Variants in DENND3 observed in about 807,000 individuals in gnomAD.
DENND3 encodes DENN domain containing 3.
Under a neutral mutation model 135.1 loss-of-function variants are expected in DENND3, and 88 were observed. That is an observed-to-expected ratio of 0.65 (90% confidence interval 0.55 to 0.78). DENND3 has a LOEUF of 0.78. DENND3 is among the 30% of genes least tolerant of loss of function. The pLI is 0.00. For synonymous variants in DENND3, 693 were observed against 712.3 expected, an observed-to-expected ratio of 0.97 and a Z score of 0.43; for missense variants, 1,392 against 1,688.4, an observed-to-expected ratio of 0.82 and a Z score of 3.08.
At chr8:141,162,572 T>C (rs1257867303) in intron 9 of DENND3, among the ~76,000 whole-genome samples, 3 of 152,228 alleles carry the variant, frequency 2.0e-5, no homozygotes, top group Admixed American at 6.5e-5. Context: ...ATTTATATAT[T>C]ACTTTAGATC....
In DENND3 at chr8:141,166,433, A is replaced by C; in HGVS notation, c.1753+44A>C. 1 of 1,563,504 alleles carries C rather than the reference A, an allele frequency of 6.4e-7. No individual in the cohort carries two copies. Among genetic ancestry groups the C allele is most frequent in the Non-Finnish European group, 8.6e-7 (1 of 1,156,884 alleles). On this transcript the variant is annotated intron_variant, in intron 12 of 22. Transcript: ENST00000519811. The surrounding 1 kb of genome is among the most constrained non-coding windows in gnomAD (Gnocchi z 4.3). ...TGTGGTGCTGTGTGTCGGTCCCACC[A>C]TTCCTGCACCTGCAAGTCATTGAGC...
rs1823286835 is a variant in DENND3 at position 141,182,571 on chromosome 8, T to C, written c.2944+1717T>C. 1.1e-6 allele frequency: 1 copy of C among 870,602 alleles called. No homozygotes were observed. The highest frequency in any genetic ancestry group is 1.4e-6 in the Non-Finnish European group (1 of 726,026). 53.9% of individuals were successfully genotyped at this position (870,602 alleles called of 1,614,324 possible). ...TGACGGGCGAGGAGTTCAGGCGGCT[T>C]CCCCTCCAGGAGCATCTCGAAGGCC... On this transcript the variant is annotated intron_variant, in intron 17 of 22. Coordinates refer to ENST00000519811, the MANE Select transcript of DENND3 (RefSeq NM_001352890.3). This position sits in a 1 kb window ranked among gnomAD's most constrained non-coding sequence, Gnocchi z 5.9.
At chr8:141,142,825 GT>G (rs954495572) in intron 4 of DENND3, 4 of 161,858 alleles carry the variant, frequency 2.5e-5, no homozygotes, top group Admixed American at 5.9e-5. Flanking sequence ...TCCACCTTTT[GT>G]TTGCTGAAAT....
intron 17 of DENND3, among the ~76,000 whole-genome samples, chr8:141,183,883 C>T (rs564911782): frequency 9.2e-5 from 14 of 152,190 alleles, no homozygotes; most frequent in African/African-American, 3.4e-4. Flanking sequence ...GAGTCCAGGC[C>T]GCCACCGCCC....
rs145045660 is a variant in DENND3 at position 141,165,223 on chromosome 8, C to T, written c.1487C>T (p.Ala496Val). 387 of 1,614,168 alleles carry T rather than the reference C, an allele frequency of 2.4e-4. No homozygotes were observed. The African/African-American group carries it at 4.3e-3, about 18-fold the overall frequency. ...TACATGTTCCATTCTTTTCTTAAAG[C>T]CCGGCTCAATAGGAGGATGGACGCC... ...DTYMFHSFLK[A>V]RLNRRMDAFA... Residue 496 changes from alanine to valine, a missense_variant, in exon 11 of 23, where the codon GCC becomes GTC. By Grantham distance (64) the Ala-to-Val change is moderately conservative. Transcript: ENST00000519811.
intron 17 of DENND3, among the ~76,000 whole-genome samples, chr8:141,184,251 A>G (rs1275165047): frequency 3.3e-5 from 5 of 152,212 alleles, no homozygotes; most frequent in South Asian, 2.1e-4. Context: ...CTTTTGCTTT[A>G]TGGTATTTTT....
chr8:141,140,560 A>G (rs1188324415), intron 3 of DENND3, among the ~76,000 whole-genome samples: 2 of 152,236 alleles, frequency 1.3e-5, no homozygotes, highest in African/African-American at 4.8e-5. Flanking sequence ...GATGTTTATT[A>G]AATTTTGTTA....
At chr8:141,163,834 G>A (rs1820434789) in intron 10 of DENND3, among the ~76,000 whole-genome samples, 1 of 151,446 alleles carries the variant, frequency 6.6e-6, no homozygotes, top group African/African-American at 2.4e-5. Flanking sequence ...CTTGAACCCA[G>A]GGGGTGGAGG....
At chr8:141,145,248 G>GTT (rs1817901829) in intron 5 of DENND3, among the ~76,000 whole-genome samples, 2 of 152,220 alleles carry the variant, frequency 1.3e-5, no homozygotes, top group African/African-American at 4.8e-5. Flanking sequence ...TCTTTAGACA[G>GTT]TAGCTCATCT....
At position 141,156,712 on chromosome 8, in the gene DENND3, G is replaced by A. The variant is rs539105271; in HGVS notation, c.1196+742G>A. Among the ~76,000 whole-genome samples the A allele has an allele frequency of 2.5e-4, 38 of 151,958 alleles. 1 individual carries two copies. The highest frequency in any genetic ancestry group is 1.2e-4 in the African/African-American group (5 of 41,440). ...TCTGCTGGGTTCTGATGGGCATGAC[G>A]CATTCTGTCCGAGCTAGAAGTTGTC... is the stretch of plus-strand genomic sequence containing the variant. On this transcript the variant is annotated intron_variant, in intron 8 of 22. Coordinates refer to ENST00000519811, the MANE Select transcript of DENND3 (RefSeq NM_001352890.3).
Position 141,136,500 on chromosome 8 carries a change from C to CT in DENND3, c.103-3dup. ...CTGTGGCAGTAACTCTTATTTTTCC[C>CT]TTTTTTAGGTTGCTTATAAAAAGGG... On this transcript the variant is annotated splice_polypyrimidine_tract_variant and intron_variant, in intron 1 of 22. Coordinates refer to ENST00000519811, the MANE Select transcript of DENND3 (RefSeq NM_001352890.3). 6.5e-7 allele frequency: 1 copy of CT among 1,536,658 alleles called. No individual in the cohort carries two copies. The highest frequency in any genetic ancestry group is 8.8e-7 in the Non-Finnish European group (1 of 1,141,618).
rs372786793 is a variant in DENND3, at chr8:141,192,468, T to A, written c.3498+19T>A. 1 of 1,613,898 alleles carries A rather than the reference T, an allele frequency of 6.2e-7. No individual in the cohort carries two copies. Among genetic ancestry groups the A allele is most frequent in the African/African-American group, 1.3e-5 (1 of 75,054 alleles). ...TCCTGAGGTATCCCAGCAGGGGCTG[T>A]GGGCCCAGCATGTGCGTGGCCCGGG... is the stretch of plus-strand genomic sequence containing the variant. On this transcript the variant is annotated intron_variant, in intron 21 of 22. Transcript: ENST00000519811.
chr8:141,176,450 C>A, intron 14 of DENND3, 141 bp from the exon 15 acceptor site: 2 of 1,006,230 alleles, frequency 2.0e-6, no homozygotes, highest in Admixed American at 2.4e-5. Flanking sequence ...TCACCCGGGG[C>A]CCTGCCTTCC....
chr8:141,170,098 C>T (rs948899300), intron 13 of DENND3, among the ~76,000 whole-genome samples: 3 of 152,344 alleles, frequency 2.0e-5, no homozygotes, highest in Admixed American at 6.5e-5. Context: ...GCCACACTGA[C>T]GTCACAAACA....
chr8:141,185,774 A>C (rs1435539332), intron 18 of DENND3, among the ~76,000 whole-genome samples: 2 of 150,804 alleles, frequency 1.3e-5, no homozygotes, highest in Non-Finnish European at 3.0e-5. Flanking sequence ...GCAGTGAGCC[A>C]AGATCGCGCC....
intron 22 of DENND3, chr8:141,193,592 C>T (rs79484125): frequency 0.014 from 2,326 of 167,070 alleles, 58 homozygotes; most frequent in African/African-American, 0.053. Context: ...GTCGGAGACA[C>T]GGCGGGGGTG....
chr8:141,163,471 C>A, intron 10 of DENND3, 42 bp downstream of exon 10: 3 of 1,245,978 alleles, frequency 2.4e-6, no homozygotes, highest in East Asian at 2.3e-5. Context: ...TGTGTTCAAT[C>A]CATTATCCTT....
At position 141,163,428 on chromosome 8, in the gene DENND3, A is replaced by T; in HGVS notation, c.1448A>T (p.Gln483Leu). The T allele has an allele frequency of 9.3e-6, 15 of 1,605,896 alleles. No homozygotes were observed. The highest frequency in any genetic ancestry group is 1.3e-5 in the Non-Finnish European group (15 of 1,172,762). The change falls in exon 10 of 23, where the codon CAG becomes CTG. Residue 483 changes from glutamine to leucine, a missense_variant and splice_region_variant. Transcript: ENST00000519811. ...CCAGGGGACCATCAGTTTTATAAGCAGGTGAGAGCTGTGGGATTTGGGTGT... is the reference window on the plus strand; with the variant it reads ...CCAGGGGACCATCAGTTTTATAAGCTGGTGAGAGCTGTGGGATTTGGGTGT... Reference protein sequence around the residue: ...RAPGDHQFYKQVLDTYMFHSF... With the variant: ...RAPGDHQFYKLVLDTYMFHSF...
At chr8:141,179,479 T>C (rs564344656) in intron 16 of DENND3, among the ~76,000 whole-genome samples, 1 of 152,228 alleles carries the variant, frequency 6.6e-6, no homozygotes, top group East Asian at 1.9e-4. Context: ...GTGCGCTGGC[T>C]CCCGCTCCCT....
Sources: gnomAD v4.1 joint callset for allele counts (sites outside exome capture counted in the v4.1 genomes callset) on GRCh38, gnomAD v4.1.1 for gene constraint, Gnocchi (gnomAD v3.1) non-coding constraint, MANE v1.5 for transcripts, NCBI Gene and HGNC (gene_info 2026-07-23, HGNC 2026-07-21) for gene names.